BMS1: variants seen among roughly 807,000 people sequenced by gnomAD.
BMS1 encodes BMS1 ribosome biogenesis factor.
In BMS1, 53 loss-of-function variants were observed where a neutral mutation model predicts 138.7. That is an observed-to-expected ratio of 0.38 (90% CI 0.31 to 0.48). The LOEUF (loss-of-function observed/expected upper bound fraction) is 0.48. BMS1 is among the 20% of genes least tolerant of loss of function. The pLI is 0.97. For synonymous variants in BMS1, 504 were observed against 539.9 expected, an observed-to-expected ratio of 0.93 and a Z score of 0.92; for missense variants, 1,360 against 1,565.5, an observed-to-expected ratio of 0.87 and a Z score of 2.22.
chr10:42,797,591 T>C, intron 11 of BMS1, 68 bp downstream of exon 11: 2 of 1,492,188 alleles, frequency 1.3e-6, no homozygotes, highest in Non-Finnish European at 1.9e-6. Context: ...GGGAATTGGT[T>C]GGAGGATTCG....
chr10:42,825,792 G>T (rs1842621333), intron 21 of BMS1, among the ~76,000 whole-genome samples: 1 of 151,954 alleles, frequency 6.6e-6, no homozygotes, highest in African/African-American at 2.4e-5. Flanking sequence ...GATTGCTCTT[G>T]CAAGTACTCT....
At chr10:42,792,684 A>G (rs1841546498) in intron 7 of BMS1, 70 bp downstream of exon 7, 1 of 1,551,752 alleles carries the variant, frequency 6.4e-7, no homozygotes, top group Non-Finnish European at 8.6e-7. Context: ...TTCTCAGGAA[A>G]ACTGAAAAAT....
rs200615842 is a variant in BMS1 at position 42,802,799 on chromosome 10, TA to T, written c.2329+584del. Among the ~76,000 whole-genome samples the T allele has an allele frequency of 0.01, 1,522 of 151,008 alleles. 56 individuals are homozygous for T. In the East Asian group the frequency reaches 0.11, roughly 11 times the overall value. On this transcript the variant is annotated intron_variant, in intron 13 of 22. Coordinates refer to ENST00000374518, the MANE Select transcript of BMS1 (RefSeq NM_014753.4). ...AAATTAAAAAATATTTTATTTAAAA[TA>T]AATAAAATATTATTTATTATTATCA...
In BMS1 at chr10:42,791,715, T is replaced by G; in HGVS notation, c.725T>G (p.Met242Arg). 1 of 1,613,890 alleles carries G rather than the reference T, an allele frequency of 6.2e-7. No homozygotes were observed. Among genetic ancestry groups the G allele is most frequent in the Non-Finnish European group, 8.5e-7 (1 of 1,179,808 alleles). ...AATCTGGGCCGTTTTATTACAGTTA[T>G]GAAGTTTAGGCCTCTCACATGGCAA... ...IHNLGRFITV[M>R]KFRPLTWQTS... Residue 242 changes from methionine to arginine, a missense_variant, in exon 6 of 23, where the codon ATG becomes AGG. Met to Arg is a moderately conservative substitution (Grantham distance 91). This residue lies in a region of BMS1 where 238 missense variants were observed against 311.1 expected (regional missense o/e 0.77). Coordinates refer to ENST00000374518, the MANE Select transcript of BMS1 (RefSeq NM_014753.4).
rs1243352764 is a variant in BMS1 at position 42,796,992 on chromosome 10, C to T, written c.1748C>T (p.Thr583Ile). 6.2e-7 allele frequency: 1 copy of T among 1,614,070 alleles called. No homozygotes were observed. Among genetic ancestry groups the T allele is most frequent in the Non-Finnish European group, 8.5e-7 (1 of 1,180,040 alleles). Residue 583 changes from threonine (T) to isoleucine (I), a missense_variant, in exon 10 of 23, where the codon ACA becomes ATA. By Grantham distance (89) the Thr-to-Ile change is moderately conservative (BLOSUM62 -1). Transcript: ENST00000374518. The part of the protein sequence containing the change: ...ALPTFDSGHC[T>I]AEEVFASEDE... ...CCCACTTTCGATTCTGGGCATTGCA[C>T]AGCTGAAGAGGTGTTTGCATCTGAA...
Position 42,784,507 on chromosome 10 carries a change from G to T in BMS1, c.113G>T (p.Arg38Leu). 6.2e-7 allele frequency: 1 copy of T among 1,613,962 alleles called. No homozygotes were observed. Among genetic ancestry groups the T allele is most frequent in the South Asian group, 1.1e-5 (1 of 91,066 alleles). The change falls in exon 2 of 23, where the codon CGG becomes CTG. Residue 38 changes from arginine (R) to leucine (L), a missense_variant. This residue lies in a region of BMS1 where 238 missense variants were observed against 311.1 expected (regional missense o/e 0.77). Transcript: ENST00000374518. ...DLQLGDEEDA[R>L]KRNPKAFAVQ... is the part of the protein sequence containing the mutation. ...CAGCTAGGAGACGAAGAAGATGCCC[G>T]GAAGAGAAATCCCAAAGCTTTTGCA...
At chr10:42,819,045 G>A (rs1842429183) in intron 15 of BMS1, among the ~76,000 whole-genome samples, 1 of 152,234 alleles carries the variant, frequency 6.6e-6, no homozygotes, top group Non-Finnish European at 1.5e-5. Context: ...AGGAGAATGG[G>A]AGCAGAGGAA....
chr10:42,826,015 T>G (rs1426211507), intron 21 of BMS1, among the ~76,000 whole-genome samples: 1 of 152,242 alleles, frequency 6.6e-6, no homozygotes, highest in East Asian at 1.9e-4. Context: ...TCTGCATCAA[T>G]TGAGGTGAAC....
chr10:42,824,837 A>G (rs878874279), intron 21 of BMS1, among the ~76,000 whole-genome samples: 1 of 152,000 alleles, frequency 6.6e-6, no homozygotes, highest in Non-Finnish European at 1.5e-5. Context: ...GTTCTGTTCC[A>G]TTGGTCTATT....
intron 17 of BMS1, 122 bp downstream of exon 17, chr10:42,820,810 C>T (rs769840027): frequency 1.1e-5 from 14 of 1,323,602 alleles, no homozygotes; most frequent in Middle Eastern, 2.6e-4. Flanking sequence ...TTTCTGGGAG[C>T]GGGGAGGTGG....
chr10:42,815,496 A>T (rs1204493267), intron 13 of BMS1, among the ~76,000 whole-genome samples: 1 of 152,198 alleles, frequency 6.6e-6, no homozygotes, highest in East Asian at 1.9e-4. Context: ...TTTGGCCCTT[A>T]TGTGAAAATG....
chr10:42,823,445 A>G (rs1842558105), intron 20 of BMS1, among the ~76,000 whole-genome samples, 164 bp from the exon 21 acceptor site: 2 of 152,202 alleles, frequency 1.3e-5, no homozygotes, highest in Non-Finnish European at 2.9e-5. Flanking sequence ...ACACCCAGTA[A>G]CAGTTCTGTG....
At chr10:42,788,827 CT>C (rs1564408585) in intron 4 of BMS1, among the ~76,000 whole-genome samples, 1 of 152,156 alleles carries the variant, frequency 6.6e-6, no homozygotes, top group African/African-American at 2.4e-5. Context: ...GAGCAGTATC[CT>C]TTTAGATACA....
At position 42,797,200 on chromosome 10, in the gene BMS1, G is replaced by A. The variant is rs879197726; in HGVS notation, c.1956G>A (p.Lys652=). 2 of 1,606,386 alleles carry A rather than the reference G, an allele frequency of 1.2e-6. No individual in the cohort carries two copies. The highest frequency in any genetic ancestry group is 2.2e-5 in the South Asian group (2 of 89,250). Residue 652 remains lysine, a synonymous_variant, in exon 10 of 23, where the codon AAG becomes AAA. Transcript: ENST00000374518. The stretch of plus-strand genomic sequence containing the variant: ...TACTCAAAGAGGAAGAAGATTACAA[G>A]GAAGAAAATAATGATTCCAAAGAAA... ...ENLLKEEEDY[K]EENNDSKETS... is the part of the protein sequence containing the mutation.
Position 42,795,327 on chromosome 10 carries a change from C to CT in BMS1, c.1230-1137dup, listed in dbSNP as rs529595698. On this transcript the variant is annotated intron_variant, in intron 9 of 22. Coordinates refer to ENST00000374518, the MANE Select transcript of BMS1 (RefSeq NM_014753.4). ...ATCATTTTGTTATTATTGGTGTATT[C>CT]TTTTTTTTTTGTGACAAGATCTTGC... Among the ~76,000 whole-genome samples, 445 of 147,524 alleles carry CT rather than the reference C, an allele frequency of 3.0e-3. 2 individuals are homozygous for CT. The highest frequency in any genetic ancestry group is 0.01 in the African/African-American group (406 of 40,324).
intron 21 of BMS1, among the ~76,000 whole-genome samples, chr10:42,825,628 A>T (rs1205177597): frequency 6.6e-6 from 1 of 152,204 alleles, no homozygotes; most frequent in Admixed American, 6.5e-5. Flanking sequence ...TGATTTTTAT[A>T]TATTGAGTTT....
chr10:42,785,078 A>G (rs753031390), intron 2 of BMS1, among the ~76,000 whole-genome samples: 4 of 152,222 alleles, frequency 2.6e-5, no homozygotes, highest in South Asian at 4.1e-4. Flanking sequence ...CTCCAATCAT[A>G]TAACCAGTAA....
chr10:42,801,788 G>T (rs1841883268), intron 12 of BMS1, among the ~76,000 whole-genome samples: 1 of 152,202 alleles, frequency 6.6e-6, no homozygotes, highest in Admixed American at 6.5e-5. Flanking sequence ...AACAGGTTTA[G>T]ATTAACAAAT....
At chr10:42,805,363 C>G (rs1841984643) in intron 13 of BMS1, among the ~76,000 whole-genome samples, 1 of 152,196 alleles carries the variant, frequency 6.6e-6, no homozygotes, top group Admixed American at 6.6e-5. Context: ...CCAACACTGT[C>G]TCTGTTACTT....
Sources: gnomAD v4.1 joint callset for allele counts (sites outside exome capture counted in the v4.1 genomes callset) on GRCh38, gnomAD v4.1.1 for gene constraint, gnomAD v4.1.1 regional missense constraint, MANE v1.5 for transcripts, NCBI Gene and HGNC (gene_info 2026-07-23, HGNC 2026-07-21) for gene names.